CHSY3: variants seen among roughly 807,000 people sequenced by gnomAD.
CHSY3 encodes the protein N-acetylgalactosaminyl-proteoglycan 3-beta-glucuronosyltransferase 3.
A neutral mutation model predicts 67.2 loss-of-function variants in CHSY3; 35 were observed. That is an observed-to-expected ratio of 0.52 (90% CI 0.40 to 0.69). The LOEUF (loss-of-function observed/expected upper bound fraction) is 0.69. CHSY3 is among the 30% of genes least tolerant of loss of function. CHSY3 has a pLI of 0.00. For missense variants in CHSY3, 1,069 were observed against 1,138.5 expected (o/e 0.94, Z 0.88); for synonymous variants, 474 against 434.7 (o/e 1.09, Z -1.12).
At chr5:130,060,617 GAA>G (rs948102177) in intron 2 of CHSY3, among the ~76,000 whole-genome samples, 1 of 152,102 alleles carries the variant, frequency 6.6e-6, no homozygotes, top group Non-Finnish European at 1.5e-5. Flanking sequence ...GAGAATAAGT[GAA>G]AGTATCTGTT....
intron 2 of CHSY3, among the ~76,000 whole-genome samples, chr5:130,095,042 T>C (rs2149695090): frequency 6.6e-6 from 1 of 152,156 alleles, no homozygotes; most frequent in Non-Finnish European, 1.5e-5. Flanking sequence ...GGTGGAGGTA[T>C]TAATGTGGAT....
intron 2 of CHSY3, among the ~76,000 whole-genome samples, chr5:130,062,901 A>G (rs1446496063): frequency 1.3e-5 from 2 of 152,128 alleles, no homozygotes; most frequent in Non-Finnish European, 2.9e-5. Flanking sequence ...TTTTTTTTAC[A>G]CATGGGATTC....
rs541528566 is a variant in CHSY3, at chr5:130,028,524, A to G, written c.1086+120164A>G. The stretch of plus-strand genomic sequence containing the variant: ...GAAGCATACTTTTTAATAATTATGA[A>G]CTATTATTACAATTACTATTTTGGC... On this transcript the variant is annotated intron_variant, in intron 2 of 2. Coordinates refer to ENST00000305031, the MANE Select transcript of CHSY3 (RefSeq NM_175856.5). Among the ~76,000 whole-genome samples, 34 of 152,280 alleles carry G rather than the reference A, an allele frequency of 2.2e-4. No individual in the cohort carries two copies. In the South Asian group the frequency reaches 6.6e-3, roughly 30 times the overall value.
intron 2 of CHSY3, among the ~76,000 whole-genome samples, chr5:130,032,306 T>A (rs764921627): frequency 1.3e-5 from 2 of 152,216 alleles, no homozygotes; most frequent in Non-Finnish European, 2.9e-5. Context: ...GTTTGGAAGA[T>A]AGTGTTCATA....
chr5:129,993,723 A>G (rs1763440422), intron 2 of CHSY3, among the ~76,000 whole-genome samples: 1 of 151,926 alleles, frequency 6.6e-6, no homozygotes, highest in Admixed American at 6.6e-5. Context: ...TAAAGTTAAT[A>G]TTGTTATGTG....
chr5:130,179,016 A>G (rs1379548360), intron 2 of CHSY3, among the ~76,000 whole-genome samples: 2 of 152,358 alleles, frequency 1.3e-5, no homozygotes, highest in East Asian at 1.9e-4. Context: ...ATCTGTGTGC[A>G]GTCAACTTCC....
chr5:130,178,283 T>G (rs1396358120), intron 2 of CHSY3, among the ~76,000 whole-genome samples: 1 of 125,686 alleles, frequency 8.0e-6, no homozygotes, highest in African/African-American at 3.0e-5. Flanking sequence ...TGAGACGGAG[T>G]CTCACTCTGT....
At chr5:130,009,613 G>T (rs1055000252) in intron 2 of CHSY3, among the ~76,000 whole-genome samples, 4 of 152,018 alleles carry the variant, frequency 2.6e-5, no homozygotes, top group African/African-American at 9.7e-5. Flanking sequence ...CAGCTAACAT[G>T]ATGACAGGAT....
intron 2 of CHSY3, among the ~76,000 whole-genome samples, chr5:129,948,443 C>A (rs1388337976): frequency 5.3e-5 from 8 of 152,188 alleles, no homozygotes; most frequent in Admixed American, 5.2e-4. Flanking sequence ...TTTTAGTTTT[C>A]CATTCCTGAA....
intron 2 of CHSY3, among the ~76,000 whole-genome samples, chr5:130,086,510 A>C (rs1196523108): frequency 6.6e-6 from 1 of 152,062 alleles, no homozygotes; most frequent in East Asian, 1.9e-4. Flanking sequence ...GTGTCTCTGC[A>C]CGTGAGATGG....
At chr5:130,029,452 A>C (rs138890579) in intron 2 of CHSY3, among the ~76,000 whole-genome samples, 6 of 152,204 alleles carry the variant, frequency 3.9e-5, no homozygotes, top group African/African-American at 1.2e-4. Flanking sequence ...AATAGAATAT[A>C]GACTGTCTGC....
chr5:129,935,863 G>T (rs1761470711), intron 2 of CHSY3, among the ~76,000 whole-genome samples: 1 of 152,050 alleles, frequency 6.6e-6, no homozygotes, highest in African/African-American at 2.4e-5. Context: ...ACAGCAAAGG[G>T]GTCTATTCAA....
intron 2 of CHSY3, among the ~76,000 whole-genome samples, chr5:130,035,106 A>G (rs1764828327): frequency 6.6e-6 from 1 of 152,088 alleles, no homozygotes; most frequent in Non-Finnish European, 1.5e-5. Context: ...ATGAGTCACA[A>G]TGGTCTGACT....
intron 2 of CHSY3, among the ~76,000 whole-genome samples, chr5:130,098,624 C>T (rs1241621490): frequency 1.3e-5 from 2 of 152,276 alleles, no homozygotes; most frequent in South Asian, 4.1e-4. Context: ...AAGCAAATTA[C>T]TCACTACTAC....
chr5:129,983,439 T>C (rs1379439088), intron 2 of CHSY3, among the ~76,000 whole-genome samples: 1 of 152,160 alleles, frequency 6.6e-6, no homozygotes, highest in East Asian at 1.9e-4. Context: ...TTACTTATTA[T>C]GAAATAAAAT....
chr5:129,949,954 A>C (rs1010643110), intron 2 of CHSY3, among the ~76,000 whole-genome samples: 2 of 152,114 alleles, frequency 1.3e-5, no homozygotes, highest in African/African-American at 4.8e-5. Context: ...ACCTGAGGTC[A>C]GGAGATCGAG....
At chr5:129,948,307 A>G (rs1486734621) in intron 2 of CHSY3, among the ~76,000 whole-genome samples, 4 of 152,152 alleles carry the variant, frequency 2.6e-5, no homozygotes, top group Non-Finnish European at 5.9e-5. Flanking sequence ...TGTTATACCC[A>G]CTTTACGGTC....
At chr5:129,948,536 G>A (rs141942163) in intron 2 of CHSY3, among the ~76,000 whole-genome samples, 36 of 152,320 alleles carry the variant, frequency 2.4e-4, no homozygotes, top group African/African-American at 8.4e-4. Context: ...TTTTAAGGCA[G>A]AGTTATAAAT....
At chr5:129,973,066 T>C (rs1299541366) in intron 2 of CHSY3, among the ~76,000 whole-genome samples, 1 of 152,074 alleles carries the variant, frequency 6.6e-6, no homozygotes, top group Non-Finnish European at 1.5e-5. Flanking sequence ...CCTGCTCCTC[T>C]ATCCCCTCAA....
Sources: allele counts gnomAD v4.1 joint callset (sites outside exome capture counted in the v4.1 genomes callset), GRCh38; gene constraint gnomAD v4.1.1; transcripts MANE v1.5; gene names NCBI Gene and HGNC (gene_info 2026-07-23, HGNC 2026-07-21).